Variants in ADGRL2 observed in about 807,000 individuals in gnomAD.
ADGRL2 encodes adhesion G protein-coupled receptor L2.
A neutral mutation model predicts 157.4 loss-of-function variants in ADGRL2; 44 were observed. The ratio of observed to expected loss-of-function variants is 0.28; its 90% CI spans 0.22 to 0.36. ADGRL2 has a LOEUF of 0.36. Among genes scored for constraint, ADGRL2 ranks in the 10% least tolerant of loss-of-function variants. The pLI, the probability that ADGRL2 is intolerant of heterozygous loss-of-function variation, is 1.00. For synonymous variants in ADGRL2, 585 were observed against 624.7 expected, an observed-to-expected ratio of 0.94 and a Z score of 0.95; for missense variants, 1,510 against 1,768.9, an observed-to-expected ratio of 0.85 and a Z score of 2.63.
intron 3 of ADGRL2, among the ~76,000 whole-genome samples, chr1:81,924,474 G>C (rs935432951): frequency 3.9e-5 from 6 of 152,148 alleles, no homozygotes; most frequent in Non-Finnish European, 7.3e-5. Flanking sequence ...GATTTTTGTA[G>C]AGACGAGTAC....
intron 1 of ADGRL2, among the ~76,000 whole-genome samples, chr1:81,829,254 C>T (rs1262422719): frequency 6.6e-6 from 1 of 152,154 alleles, no homozygotes; most frequent in Non-Finnish European, 1.5e-5. Context: ...TTCAGGCTGA[C>T]ATGGGAAGCC....
chr1:81,488,558 A>C (rs2147933488), intron 2 of ADGRL2, among the ~76,000 whole-genome samples: 1 of 151,876 alleles, frequency 6.6e-6, no homozygotes, highest in Middle Eastern at 3.4e-3. Context: ...AAAATACAAA[A>C]ATTAACTGGA....
At chr1:81,489,477 A>G (rs2078583965) in intron 2 of ADGRL2, among the ~76,000 whole-genome samples, 2 of 152,180 alleles carry the variant, frequency 1.3e-5, no homozygotes, top group Admixed American at 1.3e-4. Flanking sequence ...GTGGGACACC[A>G]TTAAACAGAC....
intron 1 of ADGRL2, among the ~76,000 whole-genome samples, chr1:81,420,898 C>T (rs1433071417): frequency 6.6e-6 from 1 of 152,140 alleles, no homozygotes; most frequent in Non-Finnish European, 1.5e-5. Flanking sequence ...TGAGTAAAAG[C>T]ACTGTGGTGT....
At chr1:81,867,092 C>A (rs1242058105) in intron 2 of ADGRL2, among the ~76,000 whole-genome samples, 1 of 152,066 alleles carries the variant, frequency 6.6e-6, no homozygotes, top group Admixed American at 6.6e-5. Context: ...AATTTGAGAT[C>A]TATGTTATTT....
At chr1:81,817,275 A>ATT (rs67010910) in intron 1 of ADGRL2, among the ~76,000 whole-genome samples, 2 of 144,776 alleles carry the variant, frequency 1.4e-5, no homozygotes, top group Non-Finnish European at 3.0e-5. Flanking sequence ...CTTCCGTCCC[A>ATT]TTTTTTTTTT....
chr1:81,840,100 A>C (rs1414221166), intron 2 of ADGRL2, among the ~76,000 whole-genome samples: 1 of 151,770 alleles, frequency 6.6e-6, no homozygotes, highest in Non-Finnish European at 1.5e-5. Context: ...GGTCTTGTGC[A>C]GGGATTGAAA....
chr1:81,888,596 G>A lies in ADGRL2; in HGVS notation c.74-18421G>A, dbSNP rs575967892. 2.2e-4 allele frequency among the ~76,000 whole-genome samples: 33 copies of A among 152,072 alleles called. No individual in the cohort carries two copies. The East Asian group carries it at 2.3e-3, about 11-fold the overall frequency. ...TAGGACTACAGGCGCCCGCCACCGC[G>A]CCCGGCTAATTTTGTTTTTGTATTT... On this transcript the variant is annotated intron_variant, in intron 2 of 23. Coordinates refer to ENST00000686636, the MANE Select transcript of ADGRL2 (RefSeq NM_001366006.2).
chr1:81,372,529 ATAAG>A (rs1341389548), intron 1 of ADGRL2, among the ~76,000 whole-genome samples: 1 of 152,208 alleles, frequency 6.6e-6, no homozygotes, highest in African/African-American at 2.4e-5. Flanking sequence ...ATAATTCAGC[ATAAG>A]TAAGTTTCAC....
intron 2 of ADGRL2, among the ~76,000 whole-genome samples, chr1:81,471,483 C>T (rs1021894105): frequency 1.3e-5 from 2 of 152,096 alleles, no homozygotes; most frequent in African/African-American, 4.8e-5. Context: ...TTAATAAGGA[C>T]TCATTAGTAT....
intron 1 of ADGRL2, among the ~76,000 whole-genome samples, chr1:81,441,744 T>C (rs2077511233): frequency 6.6e-6 from 1 of 152,206 alleles, no homozygotes; most frequent in Non-Finnish European, 1.5e-5. Context: ...TTCACTATGT[T>C]GGCCAGGCTG....
chr1:81,577,198 T>A (rs565746149), intron 2 of ADGRL2, among the ~76,000 whole-genome samples: 46 of 152,260 alleles, frequency 3.0e-4, no homozygotes, highest in African/African-American at 1.1e-3. Context: ...CTCTGCTGAG[T>A]TGGAAACGTC....
intron 2 of ADGRL2, among the ~76,000 whole-genome samples, chr1:81,478,461 C>T (rs1570214547): frequency 6.6e-6 from 1 of 152,224 alleles, no homozygotes; most frequent in Non-Finnish European, 1.5e-5. Flanking sequence ...ATTCCATTTT[C>T]TTGGAGCTTA....
Position 81,969,403 on chromosome 1 carries a change from G to A in ADGRL2, c.2733+16G>A. 6.4e-7 allele frequency: 1 copy of A among 1,563,152 alleles called. No homozygotes were observed. The highest frequency in any genetic ancestry group is 8.8e-7 in the Non-Finnish European group (1 of 1,134,392). On this transcript the variant is annotated intron_variant, in intron 15 of 23. Coordinates refer to ENST00000686636, the MANE Select transcript of ADGRL2 (RefSeq NM_001366006.2). ...AAAATATGCGGTAAGCACCAGTTGA[G>A]TTCATTGACCTTAGATCTCTGAAAA...
intron 2 of ADGRL2, among the ~76,000 whole-genome samples, chr1:81,478,685 C>A (rs969274199): frequency 6.6e-6 from 1 of 152,154 alleles, no homozygotes; most frequent in Non-Finnish European, 1.5e-5. Context: ...TGTTCAGATT[C>A]TTCTTAATGC....
At chr1:81,392,572 T>C (rs1570823854) in intron 1 of ADGRL2, among the ~76,000 whole-genome samples, 1 of 152,154 alleles carries the variant, frequency 6.6e-6, no homozygotes, top group East Asian at 1.9e-4. Context: ...GATTAACCAC[T>C]CTCCATTAGA....
intron 3 of ADGRL2, among the ~76,000 whole-genome samples, chr1:81,588,841 C>T (rs946172532): frequency 3.3e-5 from 5 of 152,134 alleles, no homozygotes; most frequent in Admixed American, 6.6e-5. Context: ...TTTGTGCCCG[C>T]TAGTCTATTG....
At chr1:81,591,866 C>A (rs2081140263) in intron 3 of ADGRL2, among the ~76,000 whole-genome samples, 1 of 152,118 alleles carries the variant, frequency 6.6e-6, no homozygotes. Context: ...TGGATACTTC[C>A]CCAGTTGAGC....
intron 1 of ADGRL2, among the ~76,000 whole-genome samples, chr1:81,372,654 A>G (rs1478468106): frequency 1.3e-5 from 2 of 152,202 alleles, no homozygotes; most frequent in Non-Finnish European, 2.9e-5. Context: ...AAAACATGTT[A>G]AAGTACGAAT....
Sources: allele counts gnomAD v4.1 joint callset (sites outside exome capture counted in the v4.1 genomes callset), GRCh38; gene constraint gnomAD v4.1.1; transcripts MANE v1.5; gene names NCBI Gene and HGNC (gene_info 2026-07-23, HGNC 2026-07-21).